The following TASP1 variants were observed in gnomAD, a reference collection of about 807,000 sequenced individuals.
TASP1 encodes the protein taspase 1, also known as threonine aspartase 1.
In TASP1, 16 loss-of-function variants were observed where a neutral mutation model predicts 56.6. The observed-to-expected ratio is 0.28, with a 90% CI of 0.19 to 0.43. The LOEUF is 0.43. Among genes scored for constraint, TASP1 ranks in the 20% least tolerant of loss-of-function variants. TASP1 has a pLI of 1.00. For synonymous variants in TASP1, 179 were observed against 184.2 expected (o/e 0.97, Z 0.23); for missense variants, 393 against 511.6 (o/e 0.77, Z 2.24).
At chr20:13,553,097 A>T (rs1959973411) in intron 8 of TASP1, among the ~76,000 whole-genome samples, 1 of 152,022 alleles carries the variant, frequency 6.6e-6, no homozygotes, top group South Asian at 2.1e-4. Context: ...CACCATGCCC[A>T]GCCAGTTTTT....
At chr20:13,366,222 G>A in the TASP1 span, among the ~76,000 whole-genome samples, 2 of 152,136 alleles carry the variant, frequency 1.3e-5, no homozygotes, top group African/African-American at 2.4e-5. Context: ...TGGACATTTG[G>A]GAGGCGTGAT....
chr20:13,623,967 G>T lies in TASP1; in HGVS notation c.214-453C>A, dbSNP rs2048802466. Among the ~76,000 whole-genome samples, 4 of 152,172 alleles carry T rather than the reference G, an allele frequency of 2.6e-5. No individual in the cohort carries two copies. The South Asian group carries it at 8.3e-4, about 32-fold the overall frequency. ...TCACAGGGGCATGCCAGAATCTGAGGATAAAAGCATACATTTGACAAAAAC... is the reference window on the plus strand; with the variant it reads ...TCACAGGGGCATGCCAGAATCTGAGTATAAAAGCATACATTTGACAAAAAC... On this transcript the variant is annotated intron_variant, in intron 3 of 13. Coordinates refer to ENST00000337743, the MANE Select transcript of TASP1 (RefSeq NM_017714.3).
the TASP1 span, among the ~76,000 whole-genome samples, chr20:13,232,484 T>G: frequency 2.0e-5 from 3 of 152,256 alleles, no homozygotes; most frequent in Non-Finnish European, 2.9e-5. Context: ...TTGTTCCTTT[T>G]TATTACCAAT....
chr20:13,308,793 G>A, the TASP1 span, among the ~76,000 whole-genome samples: 1 of 152,180 alleles, frequency 6.6e-6, no homozygotes. Context: ...ATTCGGAGGT[G>A]CAGCTTATGG....
the TASP1 span, among the ~76,000 whole-genome samples, chr20:13,247,064 C>T: frequency 1.3e-5 from 2 of 151,948 alleles, no homozygotes; most frequent in African/African-American, 4.8e-5. Flanking sequence ...GGTGAAACCC[C>T]GTCTCTACTG....
At chr20:13,414,350 C>T (rs866455575) in intron 13 of TASP1, among the ~76,000 whole-genome samples, 2 of 152,148 alleles carry the variant, frequency 1.3e-5, no homozygotes, top group African/African-American at 4.8e-5. Flanking sequence ...TGTCCATCTG[C>T]CCCTCATTGG....
At chr20:13,188,306 T>TA in the TASP1 span, among the ~76,000 whole-genome samples, 286 of 152,174 alleles carry the variant, frequency 1.9e-3, no homozygotes, top group African/African-American at 6.6e-3. Flanking sequence ...CACAGTCCAC[T>TA]AAAAAATTCC....
chr20:13,423,980 C>CT (rs1185282525), intron 12 of TASP1, among the ~76,000 whole-genome samples: 1 of 152,080 alleles, frequency 6.6e-6, no homozygotes, highest in Non-Finnish European at 1.5e-5. Flanking sequence ...ATAAGCAAAT[C>CT]TTAGGATGGG....
At chr20:13,328,385 G>A in the TASP1 span, among the ~76,000 whole-genome samples, 1 of 152,172 alleles carries the variant, frequency 6.6e-6, no homozygotes, top group East Asian at 1.9e-4. Flanking sequence ...CAACCATTGT[G>A]GAAGACAGTG....
At chr20:13,458,099 A>G (rs1187198242) in intron 11 of TASP1, among the ~76,000 whole-genome samples, 4 of 152,200 alleles carry the variant, frequency 2.6e-5, no homozygotes, top group Non-Finnish European at 2.9e-5. Context: ...TACAAAATAT[A>G]GTCAAGACAG....
chr20:13,376,614 T>TC, the TASP1 span, among the ~76,000 whole-genome samples: 1 of 152,138 alleles, frequency 6.6e-6, no homozygotes, highest in East Asian at 1.9e-4. Context: ...ATTCTGTGAA[T>TC]AAAGTCAATG....
the TASP1 span, among the ~76,000 whole-genome samples, chr20:13,361,601 C>T: frequency 1.3e-5 from 2 of 152,244 alleles, no homozygotes; most frequent in African/African-American, 2.4e-5. Context: ...TGTATAGACG[C>T]CTTTTTATTA....
the TASP1 span, among the ~76,000 whole-genome samples, chr20:13,261,256 A>G: frequency 3.7e-4 from 57 of 152,236 alleles, no homozygotes; most frequent in Admixed American, 6.5e-4. Context: ...TCTACTAAAA[A>G]TATAAAAAAT....
At chr20:13,171,517 C>T in the TASP1 span, among the ~76,000 whole-genome samples, 108 of 152,156 alleles carry the variant, frequency 7.1e-4, no homozygotes, top group African/African-American at 2.4e-3. Context: ...ATAGATGAGG[C>T]TATAACTGCT....
chr20:13,616,654 A>AG (rs1295438477), intron 4 of TASP1, among the ~76,000 whole-genome samples: 4 of 151,744 alleles, frequency 2.6e-5, no homozygotes, highest in Admixed American at 2.6e-4. Context: ...AAAAAAAAAA[A>AG]GGGCAGTTGG....
At chr20:13,136,424 C>G in the TASP1 span, among the ~76,000 whole-genome samples, 2 of 151,752 alleles carry the variant, frequency 1.3e-5, no homozygotes, top group South Asian at 4.2e-4. Flanking sequence ...TGGCAAAACC[C>G]TGTCTCTACC....
At chr20:13,574,951 A>G (rs1489607427) in intron 6 of TASP1, among the ~76,000 whole-genome samples, 1 of 152,122 alleles carries the variant, frequency 6.6e-6, no homozygotes, top group African/African-American at 2.4e-5. Context: ...TTTTTTCCCA[A>G]AGTTGATGAA....
At chr20:13,514,509 G>C (rs1046936375) in intron 10 of TASP1, among the ~76,000 whole-genome samples, 3 of 152,118 alleles carry the variant, frequency 2.0e-5, no homozygotes, top group Admixed American at 2.0e-4. Context: ...CTTCCAATCT[G>C]CTCCCTCCGT....
the TASP1 span, among the ~76,000 whole-genome samples, chr20:13,347,508 T>C: frequency 6.6e-6 from 1 of 152,160 alleles, no homozygotes; most frequent in Non-Finnish European, 1.5e-5. Flanking sequence ...ACACTCATGC[T>C]CTCCCTGAGC....
Sources: gnomAD v4.1 joint callset for allele counts (sites outside exome capture counted in the v4.1 genomes callset) on GRCh38, gnomAD v4.1.1 for gene constraint, MANE v1.5 for transcripts, NCBI Gene and HGNC (gene_info 2026-07-23, HGNC 2026-07-21) for gene names.